Variants in DNPEP observed in about 807,000 individuals in gnomAD.
The protein encoded by DNPEP is aspartyl aminopeptidase.
A neutral mutation model predicts 59.1 loss-of-function variants in DNPEP; 46 were observed. That is an observed-to-expected ratio of 0.78 (90% CI 0.61 to 0.99). The LOEUF is 0.99. DNPEP is among the 50% of genes least tolerant of loss of function. The pLI is 0.00. For synonymous variants in DNPEP, 229 were observed against 242.2 expected (o/e 0.95, Z 0.50); for missense variants, 617 against 649.9 (o/e 0.95, Z 0.55).
chr2:219,388,880 T>TC, upstream of DNPEP: 1 of 985,376 alleles, frequency 1.0e-6, no homozygotes, highest in Non-Finnish European at 1.2e-6. Flanking sequence ...ACTCTTACTG[T>TC]CCCCAGTTTA....
chr2:219,377,277 CAAAAAAAAAAAAAA>C (rs386392672), intron 13 of DNPEP, among the ~76,000 whole-genome samples: 15 of 66,102 alleles, frequency 2.3e-4, no homozygotes, highest in Admixed American at 4.7e-4. Flanking sequence ...CTCACTCTGT[CAAAAAAAAAAAAAA>C]AAAAAAAAAA....
upstream of DNPEP, among the ~76,000 whole-genome samples, chr2:219,393,288 T>C (rs1014665094): frequency 2.0e-5 from 3 of 152,064 alleles, no homozygotes; most frequent in Non-Finnish European, 4.4e-5. Flanking sequence ...CTTTTTTTTT[T>C]AGTTTTTTTG....
intron 1 of DNPEP, chr2:219,387,397 C>T: frequency 7.0e-7 from 1 of 1,438,740 alleles, no homozygotes; most frequent in Non-Finnish European, 9.1e-7. Flanking sequence ...AACTTTAGCC[C>T]GACTCCCTAA....
At chr2:219,399,484 T>C (rs1219144695) in intron 1 of DNPEP, 4 of 467,884 alleles carry the variant, frequency 8.5e-6, no homozygotes, top group Admixed American at 2.3e-5. Context: ...CCCAGGGATC[T>C]CCACTTTTAA....
upstream of DNPEP, among the ~76,000 whole-genome samples, chr2:219,392,511 T>A (rs1954034354): frequency 6.6e-6 from 1 of 151,926 alleles, no homozygotes; most frequent in Admixed American, 6.6e-5. Context: ...CCACACCCAG[T>A]TAAATTTTTT....
chr2:219,388,662 G>A (rs1953956671), upstream of DNPEP: 2 of 983,448 alleles, frequency 2.0e-6, no homozygotes, highest in Non-Finnish European at 2.4e-6. Flanking sequence ...CCCGTGCCCC[G>A]GGCCTCGAGG....
At chr2:219,392,264 C>T (rs999878630), upstream of DNPEP, among the ~76,000 whole-genome samples, 9 of 152,034 alleles carry the variant, frequency 5.9e-5, no homozygotes, top group Non-Finnish European at 1.3e-4. Flanking sequence ...TGGTTTAACA[C>T]ATATTAAAGT....
In DNPEP at chr2:219,382,147, C is replaced by T. The variant is rs1953630892; in HGVS notation, c.937-8G>A. 6.2e-7 allele frequency: 1 copy of T among 1,606,772 alleles called. No individual in the cohort carries two copies. The highest frequency in any genetic ancestry group is 1.3e-5 in the African/African-American group (1 of 74,940). ...TGCACTCTCAGACCCCACCTGGCGA[C>T]AGTAGAGTCCTGACTCTGGGAATCT... On this transcript the variant is annotated splice_region_variant and splice_polypyrimidine_tract_variant and intron_variant, in intron 10 of 14. Coordinates refer to ENST00000273075, the MANE Select transcript of DNPEP (RefSeq NM_012100.4).
At chr2:219,384,327 T>C in intron 9 of DNPEP, 39 bp downstream of exon 9, 3 of 1,569,958 alleles carry the variant, frequency 1.9e-6, no homozygotes, top group Non-Finnish European at 2.6e-6. Flanking sequence ...CCACCTCTGC[T>C]GGTGGTTATG....
At chr2:219,393,250 T>C (rs1233697399), upstream of DNPEP, among the ~76,000 whole-genome samples, 1 of 152,288 alleles carries the variant, frequency 6.6e-6, no homozygotes, top group African/African-American at 2.4e-5. Flanking sequence ...CTGCATGTGG[T>C]CCATAGGTGG....
chr2:219,391,572 T>C (rs1954017170), upstream of DNPEP, among the ~76,000 whole-genome samples: 1 of 152,130 alleles, frequency 6.6e-6, no homozygotes, highest in Admixed American at 6.6e-5. Context: ...ATAATTTAGT[T>C]TTTTTTAATG....
chr2:219,387,422 TC>T, intron 1 of DNPEP: 1 of 1,430,158 alleles, frequency 7.0e-7, no homozygotes, highest in Non-Finnish European at 9.2e-7. Flanking sequence ...CGCCCCCATG[TC>T]CCTGCCCAGC....
At chr2:219,376,913 G>T (rs941708949) in intron 13 of DNPEP, among the ~76,000 whole-genome samples, 1 of 152,086 alleles carries the variant, frequency 6.6e-6, no homozygotes, top group Non-Finnish European at 1.5e-5. Context: ...AAGGCTAAGG[G>T]TGGCCCACCC....
Position 219,381,406 on chromosome 2 carries a change from G to A in DNPEP, c.1168C>T (p.Arg390Cys), listed in dbSNP as rs112463725. The change falls in exon 13 of 15, where the codon CGC becomes TGC. Residue 390 changes from arginine to cysteine, a missense_variant. Transcript: ENST00000273075. ...TCTGACACCGCGTTTGAAGCATAGC[G>A]TTGCTTGCTGTTCACCTTGATCACG... ...GPVIKVNSKQRYASNAVSEAL... is the reference protein window; with the variant it reads ...GPVIKVNSKQCYASNAVSEAL... 4.4e-5 allele frequency: 71 copies of A among 1,614,084 alleles called. No homozygotes were observed. Among genetic ancestry groups the A allele is most frequent in the Non-Finnish European group, 5.3e-5 (62 of 1,180,042 alleles).
upstream of DNPEP, among the ~76,000 whole-genome samples, chr2:219,388,343 C>A (rs1953944082): frequency 7.1e-6 from 1 of 141,600 alleles, no homozygotes; most frequent in African/African-American, 2.6e-5. Flanking sequence ...TCCTTGCGCT[C>A]CCCGCCCCTT....
chr2:219,374,809 AGGG>A lies in DNPEP; in HGVS notation c.1407+43_1407+45del, dbSNP rs772014825. ...TCCCAGCAACCAATCCAGGCACTAG[AGGG>A]GAAGCAGCCCAGCTGCCAGAGAGGG... On this transcript the variant is annotated intron_variant, in intron 14 of 14. Transcript: ENST00000273075. 1.0e-5 allele frequency: 16 copies of A among 1,592,726 alleles called. No individual in the cohort carries two copies. In the Admixed American group the frequency reaches 1.9e-4, roughly 18 times the overall value.
At chr2:219,392,038 T>C (rs940969774), upstream of DNPEP, among the ~76,000 whole-genome samples, 4 of 152,140 alleles carry the variant, frequency 2.6e-5, no homozygotes, top group African/African-American at 7.2e-5. Flanking sequence ...TAAATACATA[T>C]GTAAATGGAT....
In DNPEP at chr2:219,386,872, C is replaced by T; in HGVS notation, c.219+20G>A. On this transcript the variant is annotated intron_variant, in intron 3 of 14. Transcript: ENST00000273075. ...CCAGCCTAGGGACCTGCCTTTCCAC[C>T]CCCACCCCACCCCCAGTACCTTGCT... is the stretch of plus-strand genomic sequence containing the variant. 6.3e-7 allele frequency: 1 copy of T among 1,599,854 alleles called. No individual in the cohort carries two copies. The highest frequency in any genetic ancestry group is 1.3e-5 in the African/African-American group (1 of 74,662).
At chr2:219,391,349 G>A (rs77934403), upstream of DNPEP, among the ~76,000 whole-genome samples, 1,151 of 152,196 alleles carry the variant, frequency 7.6e-3, 6 homozygotes, top group East Asian at 0.011. Flanking sequence ...AATGTTCCCC[G>A]TGGCCGATTT....
Sources: allele counts gnomAD v4.1 joint callset (sites outside exome capture counted in the v4.1 genomes callset), GRCh38; gene constraint gnomAD v4.1.1; transcripts MANE v1.5; gene names NCBI Gene and HGNC (gene_info 2026-07-23, HGNC 2026-07-21).